The following IL1B variants were observed in gnomAD, a reference collection of about 807,000 sequenced individuals.
The protein encoded by IL1B is interleukin-1 beta.
Under a neutral mutation model 26.2 loss-of-function variants are expected in IL1B, and 11 were observed. The observed-to-expected ratio is 0.42, with a 90% CI of 0.26 to 0.70. The LOEUF (loss-of-function observed/expected upper bound fraction) is 0.70, where lower values mean the gene tolerates loss of function less well. Ranked by LOEUF, IL1B falls within the 30% of genes least tolerant of loss-of-function variation. The pLI, the probability that IL1B is intolerant of heterozygous loss-of-function variation, is 0.25. For synonymous variants in IL1B, 118 were observed against 120.8 expected (o/e 0.98, Z 0.15); for missense variants, 255 against 327.5 (o/e 0.78, Z 1.71).
intron 3 of IL1B, among the ~76,000 whole-genome samples, chr2:112,834,987 T>A (rs1682061525): frequency 1.3e-5 from 2 of 152,226 alleles, no homozygotes; most frequent in African/African-American, 4.8e-5. Flanking sequence ...GATGCTGGAA[T>A]CTCAGAGATC....
intron 3 of IL1B, among the ~76,000 whole-genome samples, 167 bp from the exon 4 acceptor site, chr2:112,833,742 C>T (rs1682035555): frequency 6.6e-6 from 1 of 152,126 alleles, no homozygotes; most frequent in Non-Finnish European, 1.5e-5. Context: ...GCCTGTAATC[C>T]CAGCACTTTG....
chr2:112,830,340 ACT>A lies in IL1B; in HGVS notation c.*19_*20del. 1 of 1,598,724 alleles carries A rather than the reference ACT, an allele frequency of 6.3e-7. No homozygotes were observed. The highest frequency in any genetic ancestry group is 8.6e-7 in the Non-Finnish European group (1 of 1,166,436). On this transcript the variant is annotated 3_prime_UTR_variant, in exon 7 of 7. Transcript: ENST00000263341. ...GGATTGAGTCCACATTCAGCACAGG[ACT>A]CTCTGGGTACAGCTCTCTTTAGGAA...
chr2:112,832,059 A>G (rs1681994329), intron 5 of IL1B, among the ~76,000 whole-genome samples: 1 of 152,238 alleles, frequency 6.6e-6, no homozygotes, highest in Non-Finnish European at 1.5e-5. Flanking sequence ...CAAAGTCAGC[A>G]GCCTTAGTTG....
Position 112,832,752 on chromosome 2 carries a change from G to A in IL1B, c.376C>T (p.Leu126Phe). Reference sequence around the variant, plus strand: ...AAGCTTTTTTGCTGTGAGTCCCGGAGCGTGCAGTTCAGTGATCGTACAGGT... The same window carrying A: ...AAGCTTTTTTGCTGTGAGTCCCGGAACGTGCAGTTCAGTGATCGTACAGGT... ...DAPVRSLNCT[L>F]RDSQQKSLVM... The change falls in exon 5 of 7, where the codon CTC (leucine) becomes TTC (phenylalanine). Residue 126 changes from leucine to phenylalanine, a missense_variant. Physicochemically the swap from Leu to Phe is conservative, Grantham distance 22 (BLOSUM62 0). Coordinates refer to ENST00000263341, the MANE Select transcript of IL1B (RefSeq NM_000576.3). 1 of 1,614,146 alleles carries A rather than the reference G, an allele frequency of 6.2e-7. No homozygotes were observed. Among genetic ancestry groups the A allele is most frequent in the Non-Finnish European group, 8.5e-7 (1 of 1,180,018 alleles).
chr2:112,832,015 A>G (rs895705275), intron 5 of IL1B, among the ~76,000 whole-genome samples: 1 of 152,276 alleles, frequency 6.6e-6, no homozygotes, highest in Non-Finnish European at 1.5e-5. Context: ...CCTGGCTGAG[A>G]GCAAATAGCT....
rs931895480 is a variant in IL1B, at chr2:112,829,755, T to A, written c.*606A>T. On this transcript the variant is annotated 3_prime_UTR_variant, in exon 7 of 7. Coordinates refer to ENST00000263341, the MANE Select transcript of IL1B (RefSeq NM_000576.3). ...GTCAATGATCAGGAAAGACCCTTTT[T>A]TTTTCTTCAGTGAAGTTTATTTCAG... is the stretch of plus-strand genomic sequence containing the variant. The A allele has an allele frequency of 1.3e-5, 2 of 152,758 alleles. No individual in the cohort carries two copies. The highest frequency in any genetic ancestry group is 4.8e-5 in the African/African-American group (2 of 41,442). The allele number at this position is 152,758 out of a possible 1,614,324, so 9.5% of individuals were successfully genotyped here. A position where few individuals can be genotyped will look rare whatever the true frequency, so the allele number is the denominator to read the frequency against.
chr2:112,830,082 C>A lies in IL1B; in HGVS notation c.*279G>T. On this transcript the variant is annotated 3_prime_UTR_variant, in exon 7 of 7. Coordinates refer to ENST00000263341, the MANE Select transcript of IL1B (RefSeq NM_000576.3). ...AGGGTTTCTTAGAACCAAATGTGGCCGTGGTTTCTGTCAGGCGGGCTTTAA... is the reference window on the plus strand; with the variant it reads ...AGGGTTTCTTAGAACCAAATGTGGCAGTGGTTTCTGTCAGGCGGGCTTTAA... 1 of 379,104 alleles carries A rather than the reference C, an allele frequency of 2.6e-6. No individual in the cohort carries two copies. Among genetic ancestry groups the A allele is most frequent in the Admixed American group, 4.2e-5 (1 of 23,846 alleles). 23.5% of individuals were successfully genotyped at this position (379,104 alleles called of 1,614,324 possible).
chr2:112,833,302 T>G, intron 4 of IL1B, 72 bp downstream of exon 4: 11 of 1,445,508 alleles, frequency 7.6e-6, no homozygotes, highest in Non-Finnish European at 1.1e-5. Context: ...CTGGGGGAAT[T>G]GAGTTGGCTG....
Position 112,833,456 on chromosome 2 carries a change from C to T in IL1B, c.219G>A (p.Lys73=), listed in dbSNP as rs1290371666. 2 of 1,614,106 alleles carry T rather than the reference C, an allele frequency of 1.2e-6. No homozygotes were observed. The highest frequency in any genetic ancestry group is 1.7e-6 in the Non-Finnish European group (2 of 1,180,050). The part of the protein sequence containing the change: ...QAASVVVAMD[K]LRKMLVPCPQ... ...GGCAGGGAACCAGCATCTTCCTCAGCTTGTCCATGGCCACAACAACTGACG... is the reference window on the plus strand; with the variant it reads ...GGCAGGGAACCAGCATCTTCCTCAGTTTGTCCATGGCCACAACAACTGACG... The change falls in exon 4 of 7, where the codon AAG becomes AAA. Residue 73 remains lysine, a synonymous_variant. Coordinates refer to ENST00000263341, the MANE Select transcript of IL1B (RefSeq NM_000576.3).
rs1573279707 is a variant in IL1B, at chr2:112,835,423, G to T, written c.99+143C>A. On this transcript the variant is annotated intron_variant, in intron 3 of 6. Coordinates refer to ENST00000263341, the MANE Select transcript of IL1B (RefSeq NM_000576.3). ...GACCAAGTGGCCAGGTCAGCAAGTG[G>T]TGCAGCCTGTGTCTCACTGGAAGAG... is the stretch of plus-strand genomic sequence containing the variant. 8.3e-6 allele frequency: 6 copies of T among 723,322 alleles called. No homozygotes were observed. The East Asian group carries it at 1.3e-4, about 16-fold the overall frequency. 44.8% of individuals were successfully genotyped at this position (723,322 alleles called of 1,614,324 possible). A position where few individuals can be genotyped will look rare whatever the true frequency, so the allele number is the denominator to read the frequency against.
intron 6 of IL1B, 117 bp from the exon 7 acceptor site, chr2:112,830,690 C>A: frequency 1.3e-6 from 1 of 747,520 alleles, no homozygotes; most frequent in Non-Finnish European, 2.4e-6. Flanking sequence ...GATCAGGAGC[C>A]AGACTCCTGA....
rs749096227 is a variant in IL1B, at chr2:112,833,489, C to T, written c.186G>A (p.Arg62=). ...TGGCCACAACAACTGACGCGGCCTGCCTGAAGCCCTTGCTGTAGTGGTGGT... is the reference window on the plus strand; with the variant it reads ...TGGCCACAACAACTGACGCGGCCTGTCTGAAGCCCTTGCTGTAGTGGTGGT... ...ISDHHYSKGF[R]QAASVVVAMD... Residue 62 remains arginine (R), a synonymous_variant, in exon 4 of 7, where the codon AGG becomes AGA. Transcript: ENST00000263341. 2.1e-5 allele frequency: 34 copies of T among 1,614,086 alleles called. No individual in the cohort carries two copies. Among genetic ancestry groups the T allele is most frequent in the Non-Finnish European group, 2.6e-5 (31 of 1,180,048 alleles).
intron 6 of IL1B, among the ~76,000 whole-genome samples, chr2:112,830,790 T>G (rs1198592864): frequency 2.0e-5 from 3 of 152,048 alleles, no homozygotes; most frequent in Non-Finnish European, 4.4e-5. Flanking sequence ...AGGAGCATAA[T>G]GTAGGTGAGA....
intron 2 of IL1B, 68 bp downstream of exon 2, chr2:112,836,115 C>A (rs1309302940): frequency 1.3e-6 from 2 of 1,481,498 alleles, no homozygotes; most frequent in Admixed American, 3.3e-5. Context: ...GGTCTCCAAG[C>A]ACAGATAACA....
chr2:112,832,490 A>G (rs1007049548), intron 5 of IL1B, among the ~76,000 whole-genome samples, 172 bp downstream of exon 5: 2 of 152,240 alleles, frequency 1.3e-5, no homozygotes, highest in African/African-American at 4.8e-5. Flanking sequence ...TGCACTGGCC[A>G]GTGCAATCAA....
rs1296363198 is a variant in IL1B, at chr2:112,831,310, C to T, written c.579G>A (p.Lys193=). 1.2e-6 allele frequency: 2 copies of T among 1,614,018 alleles called. No individual in the cohort carries two copies. The highest frequency in any genetic ancestry group is 2.2e-5 in the East Asian group (1 of 44,886). ...LYLSCVLKDD[K]PTLQLESVDP... is the part of the protein sequence containing the mutation. Reference sequence around the variant, plus strand: ...CACTTACCTCCAGCTGTAGAGTGGGCTTATCATCTTTCAACACGCAGGACA... The same window carrying T: ...CACTTACCTCCAGCTGTAGAGTGGGTTTATCATCTTTCAACACGCAGGACA... The change falls in exon 6 of 7, where the codon AAG becomes AAA. Residue 193 remains lysine, a synonymous_variant. Transcript: ENST00000263341.
In IL1B at chr2:112,830,241, T is replaced by A; in HGVS notation, c.*120A>T. 1 of 823,850 alleles carries A rather than the reference T, an allele frequency of 1.2e-6. No homozygotes were observed. Among genetic ancestry groups the A allele is most frequent in the South Asian group, 1.4e-5 (1 of 71,784 alleles). The allele number at this position is 823,850 out of a possible 1,614,324, so 51.0% of individuals were successfully genotyped here. On this transcript the variant is annotated 3_prime_UTR_variant, in exon 7 of 7. Coordinates refer to ENST00000263341, the MANE Select transcript of IL1B (RefSeq NM_000576.3). ...TACCCTAAGGCAGGCAGTTGGGCATTGGTGTAGACAACAGGAAAGTCCAGG... is the reference window on the plus strand; with the variant it reads ...TACCCTAAGGCAGGCAGTTGGGCATAGGTGTAGACAACAGGAAAGTCCAGG...
chr2:112,831,478 A>G (rs754962930), intron 5 of IL1B, 56 bp from the exon 6 acceptor site: 1 of 1,601,482 alleles, frequency 6.2e-7, no homozygotes, highest in Non-Finnish European at 8.5e-7. Flanking sequence ...GGTCACCCCA[A>G]CCCCTAGGCC....
chr2:112,833,468 C>T lies in IL1B; in HGVS notation c.207G>A (p.Val69=), dbSNP rs1682028913. 1 of 1,614,062 alleles carries T rather than the reference C, an allele frequency of 6.2e-7. No homozygotes were observed. Among genetic ancestry groups the T allele is most frequent in the African/African-American group, 1.3e-5 (1 of 74,916 alleles). The change falls in exon 4 of 7, where the codon GTG becomes GTA. Residue 69 remains valine, a synonymous_variant. Transcript: ENST00000263341. ...KGFRQAASVV[V]AMDKLRKMLV... ...GCATCTTCCTCAGCTTGTCCATGGCCACAACAACTGACGCGGCCTGCCTGA... is the reference window on the plus strand; with the variant it reads ...GCATCTTCCTCAGCTTGTCCATGGCTACAACAACTGACGCGGCCTGCCTGA...
Sources: gnomAD v4.1 joint callset for allele counts (sites outside exome capture counted in the v4.1 genomes callset) on GRCh38, gnomAD v4.1.1 for gene constraint, MANE v1.5 for transcripts, NCBI Gene and HGNC (gene_info 2026-07-23, HGNC 2026-07-21) for gene names.